The following PIWIL1 variants were observed in gnomAD, a reference collection of about 807,000 sequenced individuals.
PIWIL1 encodes the protein piwi-like protein 1.
PIWIL1 carries 73 observed loss-of-function variants against 114.4 expected under a neutral mutation model. The observed-to-expected ratio is 0.64, with a 90% confidence interval of 0.53 to 0.78. The LOEUF is 0.78. PIWIL1 is among the 30% of genes least tolerant of loss of function. The pLI is 0.00. For missense variants in PIWIL1, 723 were observed against 1,063.1 expected, an observed-to-expected ratio of 0.68 and a Z score of 4.45; for synonymous variants, 375 against 369.0, an observed-to-expected ratio of 1.02 and a Z score of -0.19.
chr12:130,399,653 T>TA, the PIWIL1 span: 1 of 1,613,242 alleles, frequency 6.2e-7, no homozygotes, highest in African/African-American at 1.3e-5. Flanking sequence ...GGACAGAGAT[T>TA]AAAAAGGCTA....
At chr12:130,404,867 G>A in the PIWIL1 span, among the ~76,000 whole-genome samples, 1 of 152,072 alleles carries the variant, frequency 6.6e-6, no homozygotes, top group Non-Finnish European at 1.5e-5. Flanking sequence ...ATGGAGTAGT[G>A]TTAAAGTCCA....
At chr12:130,416,993 C>T in the PIWIL1 span, among the ~76,000 whole-genome samples, 2 of 151,946 alleles carry the variant, frequency 1.3e-5, no homozygotes, top group African/African-American at 4.8e-5. Context: ...AATAAAAATG[C>T]TCCACATCAC....
chr12:130,377,918 T>A, the PIWIL1 span, among the ~76,000 whole-genome samples: 1 of 152,350 alleles, frequency 6.6e-6, no homozygotes, highest in East Asian at 1.9e-4. Flanking sequence ...GAGTAGTACA[T>A]GTACCTTCTT....
the PIWIL1 span, among the ~76,000 whole-genome samples, chr12:130,382,329 G>T: frequency 0.94 from 142,564 of 152,312 alleles, 66,849 homozygotes; most frequent in Non-Finnish European, 0.96. Context: ...CCCCGGAGTC[G>T]TCTAGCTGCC....
At position 130,367,203 on chromosome 12, in the gene PIWIL1, C is replaced by G. The variant is rs2073684064; in HGVS notation, c.2266C>G (p.Leu756Val). The change falls in exon 19 of 21, where the codon CTT becomes GTT. Residue 756 changes from leucine (L) to valine (V), a missense_variant. Leu to Val is a conservative substitution (Grantham distance 32, BLOSUM62 1). This residue lies in a region of PIWIL1 where 106 missense variants were observed against 182.8 expected (regional missense o/e 0.58). Transcript: ENST00000245255. Reference sequence around the variant, plus strand: ...ATTTTTTGCTCAGTCTGGAGGAAGACTTCAGAATCCACTTCCTGGAACAGT... The same window carrying G: ...ATTTTTTGCTCAGTCTGGAGGAAGAGTTCAGAATCCACTTCCTGGAACAGT... ...TRFFAQSGGR[L>V]QNPLPGTVID... 6.2e-7 allele frequency: 1 copy of G among 1,613,944 alleles called. No individual in the cohort carries two copies. The highest frequency in any genetic ancestry group is 1.1e-5 in the South Asian group (1 of 91,082).
the PIWIL1 span, chr12:130,424,985 C>T: frequency 2.1e-5 from 10 of 486,934 alleles, no homozygotes; most frequent in Admixed American, 1.3e-4. This position sits in a 1 kb window ranked among gnomAD's most constrained non-coding sequence, Gnocchi z 9.8. Flanking sequence ...GGGAAGCATG[C>T]GTCTACTCAG....
Position 130,371,083 on chromosome 12 carries a change from C to G in PIWIL1, c.2322-93C>G, listed in dbSNP as rs181209074. The G allele has an allele frequency of 5.6e-4, 571 of 1,024,244 alleles. 2 individuals are homozygous for G. Among genetic ancestry groups the G allele is most frequent in the Middle Eastern group, 3.6e-3 (13 of 3,612 alleles). 63.4% of individuals were successfully genotyped at this position (1,024,244 alleles called of 1,614,324 possible). On this transcript the variant is annotated intron_variant, in intron 19 of 20. Coordinates refer to ENST00000245255, the MANE Select transcript of PIWIL1 (RefSeq NM_004764.5). ...GAGATGAGGTTACTGTAGTAACTTA[C>G]AGTGAAGAGTGGTACAGAGCTTTTC...
In PIWIL1 at chr12:130,365,355, C is replaced by T. The variant is rs192644857; in HGVS notation, c.2196-1778C>T. 3.9e-3 allele frequency among the ~76,000 whole-genome samples: 597 copies of T among 152,168 alleles called. 1 individual carries two copies. The highest frequency in any genetic ancestry group is 6.1e-3 in the Non-Finnish European group (412 of 68,000). ...AACAGTTAACTGAGGCATTGCAAGG[C>T]GTAAATGAAAATATACGTAATGGAC... is the stretch of plus-strand genomic sequence containing the variant. On this transcript the variant is annotated intron_variant, in intron 18 of 20. Coordinates refer to ENST00000245255, the MANE Select transcript of PIWIL1 (RefSeq NM_004764.5).
At chr12:130,359,446 G>A (rs2073452089) in intron 14 of PIWIL1, among the ~76,000 whole-genome samples, 1 of 152,136 alleles carries the variant, frequency 6.6e-6, no homozygotes, top group South Asian at 2.1e-4. Flanking sequence ...CCCATGCCCT[G>A]TTCCCATAAC....
At chr12:130,354,710 C>T (rs758823682) in intron 10 of PIWIL1, 47 bp downstream of exon 10, 5 of 1,535,712 alleles carry the variant, frequency 3.3e-6, no homozygotes, top group Non-Finnish European at 1.7e-6. Context: ...TGGATTTACC[C>T]TTTCTTTCCT....
the PIWIL1 span, among the ~76,000 whole-genome samples, chr12:130,401,118 CTT>C: frequency 1.1e-4 from 17 of 149,680 alleles, no homozygotes; most frequent in African/African-American, 4.2e-4. Flanking sequence ...GATTTTATAT[CTT>C]TTTTTTTTAA....
the PIWIL1 span, chr12:130,424,163 G>A: frequency 8.1e-7 from 1 of 1,232,100 alleles, no homozygotes; most frequent in Non-Finnish European, 1.0e-6. The surrounding 1 kb of genome is among the most constrained non-coding windows in gnomAD (Gnocchi z 9.8). Context: ...GTGCGACTCT[G>A]GGAGGTGGCT....
the PIWIL1 span, chr12:130,396,543 GA>G: frequency 6.6e-6 from 1 of 152,588 alleles, no homozygotes; most frequent in Admixed American, 6.5e-5. Flanking sequence ...GCATTATGTG[GA>G]TTACTTGTGT....
At position 130,367,186 on chromosome 12, in the gene PIWIL1, C is replaced by G. The variant is rs2073683571; in HGVS notation, c.2249C>G (p.Ala750Gly). Reference protein sequence around the residue: ...VKKRVNTRFFAQSGGRLQNPL... With the variant: ...VKKRVNTRFFGQSGGRLQNPL... The stretch of plus-strand genomic sequence containing the variant: ...AAAAGAGTGAACACCAGATTTTTTG[C>G]TCAGTCTGGAGGAAGACTTCAGAAT... The change falls in exon 19 of 21, where the codon GCT (alanine) becomes GGT (glycine). Residue 750 changes from alanine to glycine, a missense_variant. Ala to Gly is a moderately conservative substitution (Grantham distance 60). Transcript: ENST00000245255. 1 of 1,613,930 alleles carries G rather than the reference C, an allele frequency of 6.2e-7. No individual in the cohort carries two copies. The highest frequency in any genetic ancestry group is 1.1e-5 in the South Asian group (1 of 91,080).
chr12:130,361,089 T>TA, intron 14 of PIWIL1, 91 bp from the exon 15 acceptor site: 1 of 1,017,400 alleles, frequency 9.8e-7, no homozygotes, highest in Non-Finnish European at 1.5e-6. Flanking sequence ...TTGACATTGA[T>TA]ACTTCACAGG....
chr12:130,382,323 G>A, the PIWIL1 span, among the ~76,000 whole-genome samples: 164 of 152,268 alleles, frequency 1.1e-3, 1 homozygote, highest in Non-Finnish European at 2.0e-3. Context: ...GTTGTGCCCC[G>A]GAGTCGTCTA....
At chr12:130,414,211 G>C in the PIWIL1 span, 3 of 1,614,104 alleles carry the variant, frequency 1.9e-6, no homozygotes, top group East Asian at 2.2e-5. Flanking sequence ...TAGTCAAAGA[G>C]AGCCACAAAG....
the PIWIL1 span, among the ~76,000 whole-genome samples, chr12:130,394,664 ATTT>A: frequency 0.054 from 7,997 of 147,490 alleles, 683 homozygotes; most frequent in African/African-American, 0.18. Context: ...GGATTTTTGC[ATTT>A]TTTTTTTTTT....
the PIWIL1 span, chr12:130,406,235 A>G: frequency 1.2e-6 from 2 of 1,602,614 alleles, no homozygotes; most frequent in African/African-American, 2.7e-5. Flanking sequence ...TGCAAAATGT[A>G]AGTTCGGCCT....
Sources: gnomAD v4.1 joint callset for allele counts (sites outside exome capture counted in the v4.1 genomes callset) on GRCh38, gnomAD v4.1.1 for gene constraint, gnomAD v4.1.1 regional missense constraint, Gnocchi (gnomAD v3.1) non-coding constraint, MANE v1.5 for transcripts, NCBI Gene and HGNC (gene_info 2026-07-23, HGNC 2026-07-21) for gene names.